Variants in MTCL1 observed in about 807,000 individuals in gnomAD.
MTCL1 encodes microtubule cross-linking factor 1.
MTCL1 carries 79 observed loss-of-function variants against 141.4 expected under a neutral mutation model. The observed-to-expected ratio is 0.56, with a 90% CI of 0.47 to 0.67. The LOEUF is 0.67. MTCL1 is among the 30% of genes least tolerant of loss of function. MTCL1 has a pLI of 0.00. For missense variants in MTCL1, 2,177 were observed against 2,113.9 expected (o/e 1.03, Z -0.59); for synonymous variants, 914 against 875.8 (o/e 1.04, Z -0.77).
At chr18:8,806,315 A>G (rs2076294789) in intron 10 of MTCL1, among the ~76,000 whole-genome samples, 1 of 152,146 alleles carries the variant, frequency 6.6e-6, no homozygotes, top group African/African-American at 2.4e-5. Context: ...GTAACCACCA[A>G]TCGGAGTCTG....
intron 1 of MTCL1, among the ~76,000 whole-genome samples, chr18:8,709,583 G>T (rs1320372421): frequency 6.6e-6 from 1 of 152,122 alleles, no homozygotes; most frequent in African/African-American, 2.4e-5. Context: ...TCAGGATTAG[G>T]TATAGCATTC....
chr18:8,797,549 C>T (rs1168010095), intron 9 of MTCL1, among the ~76,000 whole-genome samples: 1 of 152,190 alleles, frequency 6.6e-6, no homozygotes, highest in Non-Finnish European at 1.5e-5. Context: ...CCAGCTGCTT[C>T]GAGGCATTGT....
At chr18:8,730,519 G>T (rs547959347) in intron 4 of MTCL1, among the ~76,000 whole-genome samples, 5 of 152,294 alleles carry the variant, frequency 3.3e-5, no homozygotes, top group Admixed American at 3.3e-4. Flanking sequence ...TTTTGACAAT[G>T]ACTGTGAGTC....
chr18:8,823,069 C>T (rs1227818408), intron 14 of MTCL1, among the ~76,000 whole-genome samples: 1 of 151,962 alleles, frequency 6.6e-6, no homozygotes, highest in Non-Finnish European at 1.5e-5. Flanking sequence ...CTCAAAATAT[C>T]CAAAGTGGAA....
At chr18:8,705,606 C>CCGT, upstream of MTCL1, 1 of 1,198,816 alleles carries the variant, frequency 8.3e-7, no homozygotes. This position sits in a 1 kb window ranked among gnomAD's most constrained non-coding sequence, Gnocchi z 5.2. Context: ...GCCGCCGCCG[C>CCGT]CGCCGTCGTC....
At chr18:8,783,877 C>T (rs200803602) in exon 6 of MTCL1, 77 of 1,613,078 alleles carry the variant, frequency 4.8e-5, no homozygotes, top group Non-Finnish European at 6.2e-5. Flanking sequence ...GTCGGGACCA[C>T]GCACCCAGCA....
chr18:8,784,776 C>T (rs1302042322), exon 6 of MTCL1: 1 of 1,613,868 alleles, frequency 6.2e-7, no homozygotes, highest in African/African-American at 1.3e-5. Flanking sequence ...TTCCTCTCCA[C>T]TGTGACTTCC....
intron 4 of MTCL1, among the ~76,000 whole-genome samples, chr18:8,768,732 T>TA (rs916617982): frequency 6.6e-6 from 1 of 152,034 alleles, no homozygotes; most frequent in Non-Finnish European, 1.5e-5. Context: ...CTTGATGGAC[T>TA]GGTAGATTTC....
At chr18:8,819,291 A>G (rs752661228) in intron 13 of MTCL1, 32 bp downstream of exon 12, 7 of 1,604,324 alleles carry the variant, frequency 4.4e-6, no homozygotes, top group East Asian at 4.5e-5. Context: ...CTAGTTAACC[A>G]CTGTGGAATG....
At chr18:8,816,055 C>G (rs903658255) in intron 12 of MTCL1, among the ~76,000 whole-genome samples, 6 of 152,136 alleles carry the variant, frequency 3.9e-5, no homozygotes, top group African/African-American at 1.4e-4. Context: ...GTGCCCCATC[C>G]GGAAATTGAG....
intron 4 of MTCL1, among the ~76,000 whole-genome samples, chr18:8,777,340 C>T (rs945754978): frequency 7.2e-5 from 11 of 152,346 alleles, no homozygotes; most frequent in Non-Finnish European, 1.0e-4. Flanking sequence ...GTGATCCTCC[C>T]GCCTTGGTAT....
chr18:8,772,835 C>T (rs940371008), intron 4 of MTCL1, among the ~76,000 whole-genome samples: 1 of 151,818 alleles, frequency 6.6e-6, no homozygotes, highest in Non-Finnish European at 1.5e-5. Context: ...TAGTATACAA[C>T]ATGAGGACTA....
At chr18:8,722,430 G>A (rs2096179459) in intron 4 of MTCL1, among the ~76,000 whole-genome samples, 1 of 152,148 alleles carries the variant, frequency 6.6e-6, no homozygotes, top group Non-Finnish European at 1.5e-5. Context: ...TATAGCTTTT[G>A]ACTCCCCCAA....
chr18:8,746,750 C>T (rs907554496), intron 4 of MTCL1, among the ~76,000 whole-genome samples: 11 of 152,078 alleles, frequency 7.2e-5, no homozygotes, highest in African/African-American at 2.7e-4. Flanking sequence ...CAGAGCTGGG[C>T]CTGGGCAGTG....
exon 6 of MTCL1, chr18:8,784,592 G>A (rs1359948532): frequency 6.2e-7 from 1 of 1,611,672 alleles, no homozygotes. Flanking sequence ...ACCGGGGCCT[G>A]GCCTCCAGGG....
intron 7 of MTCL1, 123 bp from the exon 7 acceptor site, chr18:8,792,875 A>G: frequency 1.5e-6 from 2 of 1,355,582 alleles, no homozygotes; most frequent in South Asian, 1.4e-5. Flanking sequence ...CCACTGCTGC[A>G]GTGCCCACAC....
intron 10 of MTCL1, 42 bp from the exon 10 acceptor site, chr18:8,806,851 C>T (rs146671107): frequency 2.7e-4 from 374 of 1,397,106 alleles, no homozygotes; most frequent in Middle Eastern, 1.0e-3. Context: ...CTAAAAAATA[C>T]GCTTAAAGGA....
chr18:8,819,327 G>A, intron 13 of MTCL1, 68 bp downstream of exon 12: 3 of 1,529,354 alleles, frequency 2.0e-6, no homozygotes, highest in Non-Finnish European at 2.7e-6. Flanking sequence ...AACCTAAGAG[G>A]CATCTGCCAG....
chr18:8,759,339 T>C (rs1281342561), intron 4 of MTCL1, among the ~76,000 whole-genome samples: 1 of 152,232 alleles, frequency 6.6e-6, no homozygotes, highest in Non-Finnish European at 1.5e-5. Flanking sequence ...TCATTCTTGG[T>C]CACTAGCTGG....
Sources: allele counts gnomAD v4.1 joint callset (sites outside exome capture counted in the v4.1 genomes callset), GRCh38; gene constraint gnomAD v4.1.1; non-coding constraint Gnocchi (gnomAD v3.1); transcripts MANE v1.5; gene names NCBI Gene and HGNC (gene_info 2026-07-23, HGNC 2026-07-21).